Variants in PTPRD observed in about 807,000 individuals in gnomAD.
The protein encoded by PTPRD is receptor-type tyrosine-protein phosphatase delta.
Under a neutral mutation model 214.5 loss-of-function variants are expected in PTPRD, and 34 were observed. The observed-to-expected ratio is 0.16, with a 90% confidence interval of 0.12 to 0.21. PTPRD has a LOEUF of 0.21. Among genes scored for constraint, PTPRD ranks in the 10% least tolerant of loss-of-function variants. The pLI is 1.00. For missense variants in PTPRD, 2,545 were observed against 2,398.7 expected, an observed-to-expected ratio of 1.06 and a Z score of -1.27; for synonymous variants, 1,128 against 845.7, an observed-to-expected ratio of 1.33 and a Z score of -5.79.
rs185568161 is a variant in PTPRD, at chr9:9,021,736, T to C, written c.-142-3001A>G. On this transcript the variant is annotated intron_variant, in intron 10 of 45. Coordinates refer to ENST00000381196, the MANE Select transcript of PTPRD (RefSeq NM_002839.4). ...GTAGGCCTAGACTAATGTGTGTGTTTGTGTCTTAATTTTTAGTAAAAAAAA... is the reference window on the plus strand; with the variant it reads ...GTAGGCCTAGACTAATGTGTGTGTTCGTGTCTTAATTTTTAGTAAAAAAAA... Among the ~76,000 whole-genome samples the C allele has an allele frequency of 3.6e-4, 55 of 152,206 alleles. 1 individual carries two copies. In the East Asian group the frequency reaches 0.01, roughly 28 times the overall value.
chr9:8,806,252 C>CGG (rs5896261), intron 11 of PTPRD, among the ~76,000 whole-genome samples: 2 of 106,538 alleles, frequency 1.9e-5, no homozygotes, highest in African/African-American at 6.9e-5. Context: ...TTTGGTGGGG[C>CGG]GGGGGGGGGA....
At chr9:10,072,104 T>C (rs1205705445) in intron 3 of PTPRD, among the ~76,000 whole-genome samples, 1 of 151,914 alleles carries the variant, frequency 6.6e-6, no homozygotes, top group Non-Finnish European at 1.5e-5. Context: ...AAATTACATA[T>C]CTAATAATAT....
intron 3 of PTPRD, among the ~76,000 whole-genome samples, chr9:10,302,924 A>G (rs1469843654): frequency 6.6e-6 from 1 of 152,224 alleles, no homozygotes; most frequent in Non-Finnish European, 1.5e-5. Context: ...ATAGACATCA[A>G]TAGAACTCTC....
At chr9:9,650,869 A>G (rs188316374) in intron 7 of PTPRD, among the ~76,000 whole-genome samples, 8 of 152,258 alleles carry the variant, frequency 5.3e-5, no homozygotes, top group South Asian at 4.1e-4. Flanking sequence ...TGGAATATAT[A>G]TAAATAATTA....
chr9:8,927,308 G>A (rs1176065338), intron 11 of PTPRD, among the ~76,000 whole-genome samples: 1 of 151,998 alleles, frequency 6.6e-6, no homozygotes, highest in African/African-American at 2.4e-5. Context: ...GTGTCATGGT[G>A]GTGTGCTGCA....
At chr9:8,721,715 C>G (rs768188921) in intron 12 of PTPRD, among the ~76,000 whole-genome samples, 1 of 152,144 alleles carries the variant, frequency 6.6e-6, no homozygotes, top group Non-Finnish European at 1.5e-5. Context: ...ACAACAAAAA[C>G]TGAGACATAA....
chr9:9,955,592 T>C (rs532749859), intron 4 of PTPRD, among the ~76,000 whole-genome samples: 46 of 151,714 alleles, frequency 3.0e-4, no homozygotes, highest in Admixed American at 7.9e-4. Flanking sequence ...GGCACGATCT[T>C]GGCTAACTGC....
chr9:9,330,839 G>T (rs1452678740), intron 9 of PTPRD, among the ~76,000 whole-genome samples: 2 of 151,076 alleles, frequency 1.3e-5, no homozygotes, highest in African/African-American at 4.9e-5. Flanking sequence ...AAGAGACATG[G>T]GATATTTCTA....
chr9:8,716,654 C>T (rs958399694), intron 12 of PTPRD, among the ~76,000 whole-genome samples: 47 of 131,380 alleles, frequency 3.6e-4, no homozygotes, highest in Middle Eastern at 3.6e-3. Context: ...ACATATAAAC[C>T]TAGACTTTAA....
chr9:9,427,882 A>G (rs1181542898), intron 8 of PTPRD, among the ~76,000 whole-genome samples: 1 of 152,202 alleles, frequency 6.6e-6, no homozygotes, highest in Non-Finnish European at 1.5e-5. Context: ...TGTCACCACC[A>G]GGCCTGCCTT....
At chr9:9,698,370 C>T (rs1263230190) in intron 7 of PTPRD, among the ~76,000 whole-genome samples, 3 of 152,100 alleles carry the variant, frequency 2.0e-5, no homozygotes, top group Non-Finnish European at 4.4e-5. Flanking sequence ...CTAAAGAGTG[C>T]CTTAAGCCCG....
rs35593505 is a variant in PTPRD, at chr9:10,117,612, G to GTTTTTTT, written c.-544-83829_-544-83823dup. On this transcript the variant is annotated intron_variant, in intron 3 of 45. Coordinates refer to ENST00000381196, the MANE Select transcript of PTPRD (RefSeq NM_002839.4). ...TTCCCTGTATGGATTAAATCTCCCC[G>GTTTTTTT]TTTTTTTTTTTTTCTTATAATAATA... Among the ~76,000 whole-genome samples the GTTTTTTT allele has an allele frequency of 1.3e-3, 195 of 144,668 alleles. 1 individual carries two copies. Among genetic ancestry groups the GTTTTTTT allele is most frequent in the African/African-American group, 3.4e-3 (135 of 39,566 alleles). 94.9% of individuals were successfully genotyped at this position (144,668 alleles called of 152,430 possible).
chr9:8,694,631 T>A (rs1195410369), intron 12 of PTPRD, among the ~76,000 whole-genome samples: 2 of 152,210 alleles, frequency 1.3e-5, no homozygotes, highest in Non-Finnish European at 2.9e-5. Flanking sequence ...CAAGGAAACT[T>A]ACTTGCTTGT....
At chr9:10,576,715 C>T (rs1165191447) in intron 2 of PTPRD, among the ~76,000 whole-genome samples, 1 of 152,074 alleles carries the variant, frequency 6.6e-6, no homozygotes, top group Non-Finnish European at 1.5e-5. Context: ...ACAGAGGATT[C>T]AATATGCCAT....
chr9:9,613,678 CT>C, intron 7 of PTPRD, among the ~76,000 whole-genome samples: 5 of 152,076 alleles, frequency 3.3e-5, no homozygotes. Context: ...TTACTCATTT[CT>C]ACAGTAAGTA....
chr9:10,194,098 A>G (rs1351729321), intron 3 of PTPRD, among the ~76,000 whole-genome samples: 1 of 151,994 alleles, frequency 6.6e-6, no homozygotes, highest in African/African-American at 2.4e-5. Flanking sequence ...GTTCAGCCAA[A>G]ATACAATTTT....
chr9:10,523,196 T>C lies in PTPRD; in HGVS notation c.-600+89202A>G, dbSNP rs948866314. ...ATTAAAATGTTTTAAGTACATATCGTGATGTTTTAATTTAAGGCAGAGTGT... is the reference window on the plus strand; with the variant it reads ...ATTAAAATGTTTTAAGTACATATCGCGATGTTTTAATTTAAGGCAGAGTGT... On this transcript the variant is annotated intron_variant, in intron 2 of 45. Coordinates refer to ENST00000381196, the MANE Select transcript of PTPRD (RefSeq NM_002839.4). Among the ~76,000 whole-genome samples the C allele has an allele frequency of 3.9e-5, 6 of 152,230 alleles. No individual in the cohort carries two copies. The East Asian group carries it at 1.2e-3, about 29-fold the overall frequency.
At chr9:9,331,285 T>A (rs1166589679) in intron 9 of PTPRD, among the ~76,000 whole-genome samples, 1 of 152,126 alleles carries the variant, frequency 6.6e-6, no homozygotes, top group East Asian at 1.9e-4. Context: ...ATGTACCTTG[T>A]CTTTTTCCAC....
At chr9:10,066,883 T>G (rs1012052436) in intron 3 of PTPRD, among the ~76,000 whole-genome samples, 1 of 151,894 alleles carries the variant, frequency 6.6e-6, no homozygotes, top group African/African-American at 2.4e-5. Flanking sequence ...AGTCTCTGAA[T>G]GCTAGAGTAA....
Sources: allele counts gnomAD v4.1 joint callset (sites outside exome capture counted in the v4.1 genomes callset), GRCh38; gene constraint gnomAD v4.1.1; transcripts MANE v1.5; gene names NCBI Gene and HGNC (gene_info 2026-07-23, HGNC 2026-07-21).